The following NELL1 variants were observed in gnomAD, a reference collection of about 807,000 sequenced individuals.
The protein encoded by NELL1 is protein kinase C-binding protein NELL1.
A neutral mutation model predicts 107.4 loss-of-function variants in NELL1; 76 were observed. The ratio of observed to expected loss-of-function variants is 0.71; its 90% confidence interval spans 0.59 to 0.86. The LOEUF is 0.86. NELL1 is among the 40% of genes least tolerant of loss of function. The pLI is 0.00. For missense variants in NELL1, 1,024 were observed against 1,005.5 expected (o/e 1.02, Z -0.25); for synonymous variants, 353 against 341.2 (o/e 1.03, Z -0.38).
intron 12 of NELL1, among the ~76,000 whole-genome samples, chr11:21,062,465 A>G (rs538830874): frequency 1.6e-4 from 24 of 152,324 alleles, no homozygotes; most frequent in African/African-American, 5.0e-4. Context: ...TAATAAATCT[A>G]TTAACTAGAA....
intron 14 of NELL1, among the ~76,000 whole-genome samples, chr11:21,345,846 C>T (rs952043981): frequency 1.3e-5 from 2 of 152,246 alleles, no homozygotes; most frequent in Non-Finnish European, 1.5e-5. Context: ...TCTGCACGAC[C>T]AGCAATAGGA....
At position 21,167,298 on chromosome 11, in the gene NELL1, G is replaced by C. The variant is rs73454565; in HGVS notation, c.1426+53584G>C. ...AGAGACAAGAGAGACTCTTCTCCTG[G>C]AACAATTCAAACCACAGTGCCAGGA... On this transcript the variant is annotated intron_variant, in intron 13 of 19. Coordinates refer to ENST00000357134, the MANE Select transcript of NELL1 (RefSeq NM_006157.5). 1.5e-3 allele frequency among the ~76,000 whole-genome samples: 229 copies of C among 151,778 alleles called. 6 individuals are homozygous for C. Among genetic ancestry groups the C allele is most frequent in the African/African-American group, 5.3e-3 (216 of 41,114 alleles).
chr11:20,860,328 A>G (rs1408554850), intron 4 of NELL1, among the ~76,000 whole-genome samples: 2 of 152,186 alleles, frequency 1.3e-5, no homozygotes, highest in African/African-American at 2.4e-5. Flanking sequence ...ACAAATGCCA[A>G]TCATAGAGCT....
At chr11:21,328,444 C>G (rs535709700) in intron 14 of NELL1, among the ~76,000 whole-genome samples, 1 of 152,256 alleles carries the variant, frequency 6.6e-6, no homozygotes, top group Admixed American at 6.5e-5. Context: ...GATGTCCAGG[C>G]AGAAGTATGC....
intron 12 of NELL1, among the ~76,000 whole-genome samples, chr11:20,991,791 C>T (rs1565003752): frequency 1.3e-5 from 2 of 152,166 alleles, no homozygotes; most frequent in Non-Finnish European, 2.9e-5. Context: ...TTCCATTCTC[C>T]AGGCTTATCA....
chr11:20,804,612 A>T (rs1310885567), intron 3 of NELL1, among the ~76,000 whole-genome samples: 1 of 152,002 alleles, frequency 6.6e-6, no homozygotes, highest in Non-Finnish European at 1.5e-5. Context: ...CTTGTTACTG[A>T]TTTCTAATTT....
intron 2 of NELL1, among the ~76,000 whole-genome samples, chr11:20,685,827 G>A (rs1207800140): frequency 6.6e-6 from 1 of 152,098 alleles, no homozygotes; most frequent in African/African-American, 2.4e-5. Flanking sequence ...CTGGGGAAGG[G>A]CAGAAGATTA....
chr11:20,782,988 A>G (rs1856880728), intron 2 of NELL1, among the ~76,000 whole-genome samples: 1 of 152,226 alleles, frequency 6.6e-6, no homozygotes, highest in Admixed American at 6.5e-5. Context: ...AATCGGCCTC[A>G]ACTTCAATAA....
At chr11:20,887,766 G>T (rs964230518) in intron 5 of NELL1, among the ~76,000 whole-genome samples, 1 of 152,120 alleles carries the variant, frequency 6.6e-6, no homozygotes, top group Admixed American at 6.5e-5. Context: ...CCCTGGATTA[G>T]GTACCTTGGG....
chr11:20,695,626 T>C (rs555894602), intron 2 of NELL1, among the ~76,000 whole-genome samples: 1 of 152,274 alleles, frequency 6.6e-6, no homozygotes, highest in East Asian at 1.9e-4. Flanking sequence ...ACATCCCTAC[T>C]TGATCATGAT....
intron 12 of NELL1, among the ~76,000 whole-genome samples, chr11:21,045,436 A>G (rs1853331686): frequency 1.3e-5 from 2 of 152,172 alleles, no homozygotes; most frequent in East Asian, 3.9e-4. Flanking sequence ...GCATACAGAA[A>G]TTATATACAT....
intron 13 of NELL1, among the ~76,000 whole-genome samples, chr11:21,221,624 C>T (rs905721847): frequency 3.9e-5 from 6 of 152,046 alleles, no homozygotes; most frequent in African/African-American, 1.4e-4. Context: ...TTACCTGTGT[C>T]CAGAAATTCA....
intron 12 of NELL1, among the ~76,000 whole-genome samples, chr11:21,070,983 G>A (rs1345750825): frequency 2.0e-5 from 3 of 152,076 alleles, no homozygotes; most frequent in South Asian, 2.1e-4. Flanking sequence ...TTGTAAAGAC[G>A]CTAAGCATTT....
At chr11:21,196,428 C>G (rs1857154572) in intron 13 of NELL1, among the ~76,000 whole-genome samples, 1 of 152,158 alleles carries the variant, frequency 6.6e-6, no homozygotes, top group Admixed American at 6.5e-5. Context: ...CCTTCTTGCT[C>G]TTCTTTTTCC....
intron 15 of NELL1, among the ~76,000 whole-genome samples, chr11:21,390,387 T>TAAA (rs869185870): frequency 1.4e-5 from 2 of 144,260 alleles, no homozygotes; most frequent in African/African-American, 5.0e-5. Context: ...ATAATAATAA[T>TAAA]AAATAATATA....
At chr11:20,687,821 G>A (rs911336417) in intron 2 of NELL1, among the ~76,000 whole-genome samples, 1 of 152,038 alleles carries the variant, frequency 6.6e-6, no homozygotes, top group Non-Finnish European at 1.5e-5. Context: ...TCGAACTCCT[G>A]ACCTCAACTG....
chr11:21,151,910 T>C (rs996524984), intron 13 of NELL1, among the ~76,000 whole-genome samples: 7 of 152,222 alleles, frequency 4.6e-5, no homozygotes, highest in Non-Finnish European at 8.8e-5. Flanking sequence ...TTGAAACATC[T>C]ATCTCCATCC....
At chr11:21,307,189 T>C (rs1849623965) in intron 14 of NELL1, among the ~76,000 whole-genome samples, 2 of 151,994 alleles carry the variant, frequency 1.3e-5, no homozygotes, top group South Asian at 4.1e-4. Context: ...GTCATGGCTG[T>C]CAACATCGAC....
chr11:21,172,571 C>A (rs1383381568), intron 13 of NELL1, among the ~76,000 whole-genome samples: 1 of 151,720 alleles, frequency 6.6e-6, no homozygotes, highest in Non-Finnish European at 1.5e-5. Flanking sequence ...GTTTACATAT[C>A]TAGTCCTGAG....
Sources: allele counts gnomAD v4.1 joint callset (sites outside exome capture counted in the v4.1 genomes callset), GRCh38; gene constraint gnomAD v4.1.1; transcripts MANE v1.5; gene names NCBI Gene and HGNC (gene_info 2026-07-23, HGNC 2026-07-21).